PARD3B: variants seen among roughly 807,000 people sequenced by gnomAD.
PARD3B encodes partitioning defective 3 homolog B.
In PARD3B, 103 loss-of-function variants were observed where a neutral mutation model predicts 130.2. The observed-to-expected ratio is 0.79, with a 90% CI of 0.67 to 0.93. PARD3B has a LOEUF of 0.93. PARD3B is among the 40% of genes least tolerant of loss of function. PARD3B has a pLI of 0.00. For missense variants in PARD3B, 1,609 were observed against 1,499.2 expected, an observed-to-expected ratio of 1.07 and a Z score of -1.21; for synonymous variants, 583 against 553.2, an observed-to-expected ratio of 1.05 and a Z score of -0.76.
intron 2 of PARD3B, among the ~76,000 whole-genome samples, chr2:204,838,136 G>GTCAACAAAGAGCTATGAAACCAGTA (rs1559186403): frequency 6.6e-6 from 1 of 152,092 alleles, no homozygotes. Flanking sequence ...TGAGCAAGAG[G>GTCAACAAAGAGCTATGAAACCAGTA]AGGCTTTTCA....
rs2048778965 is a variant in PARD3B, at chr2:205,470,239, C to G, written c.3044+29567C>G. On this transcript the variant is annotated intron_variant, in intron 20 of 22. Coordinates refer to ENST00000406610, the MANE Select transcript of PARD3B (RefSeq NM_001302769.2). This position sits in a 1 kb window ranked among gnomAD's most constrained non-coding sequence, Gnocchi z 4.8. ...CTTTTCTCTGGCACTGTTACCATGTCAAAGCATCCCCTCCCAGCAGTGCCC... is the reference window on the plus strand; with the variant it reads ...CTTTTCTCTGGCACTGTTACCATGTGAAAGCATCCCCTCCCAGCAGTGCCC... 6.6e-6 allele frequency among the ~76,000 whole-genome samples: 1 copy of G among 152,190 alleles called. No homozygotes were observed. The highest frequency in any genetic ancestry group is 1.5e-5 in the Non-Finnish European group (1 of 68,024).
intron 16 of PARD3B, among the ~76,000 whole-genome samples, chr2:205,278,213 G>T (rs1428690550): frequency 6.6e-6 from 1 of 152,158 alleles, no homozygotes; most frequent in Non-Finnish European, 1.5e-5. Flanking sequence ...ATGGCAGGGG[G>T]TACAGAGAGC....
rs555695648 is a variant in PARD3B, at chr2:205,013,100, TTTCCTC to T, written c.395-34479_395-34474del. Among the ~76,000 whole-genome samples the T allele has an allele frequency of 4.8e-3, 728 of 152,348 alleles. 2 individuals carry two copies. Among genetic ancestry groups the T allele is most frequent in the Non-Finnish European group, 6.7e-3 (453 of 68,040 alleles). ...GTCCCTACCCATGCAAGCTAGAATC[TTTCCTC>T]TCCCTTCTTGATTTCAACATGAGTT... On this transcript the variant is annotated intron_variant, in intron 3 of 22. Coordinates refer to ENST00000406610, the MANE Select transcript of PARD3B (RefSeq NM_001302769.2).
intron 2 of PARD3B, among the ~76,000 whole-genome samples, chr2:204,913,555 T>C (rs558378705): frequency 6.6e-6 from 1 of 152,318 alleles, no homozygotes; most frequent in South Asian, 2.1e-4. Flanking sequence ...TTCTGTCTCA[T>C]GGTAGTTTGG....
At chr2:205,227,739 TGTTTTGTG>T (rs2038634593) in intron 15 of PARD3B, among the ~76,000 whole-genome samples, 1 of 152,138 alleles carries the variant, frequency 6.6e-6, no homozygotes, top group Non-Finnish European at 1.5e-5. Flanking sequence ...GTTTTCTGGT[TGTTTTGTG>T]GTCTTCTCAT....
At chr2:204,926,803 T>G (rs1687656996) in intron 2 of PARD3B, among the ~76,000 whole-genome samples, 2 of 152,110 alleles carry the variant, frequency 1.3e-5, no homozygotes. Context: ...CAAGCCAGTT[T>G]TGAAATTATA....
rs765793665 is a variant in PARD3B, at chr2:204,664,013, A to G, written c.121-22168A>G. Among the ~76,000 whole-genome samples the G allele has an allele frequency of 8.5e-5, 13 of 152,178 alleles. No homozygotes were observed. The highest frequency in any genetic ancestry group is 1.6e-4 in the Non-Finnish European group (11 of 68,028). ...CAAAAACTCTTTTCAGTATCCAAACATGACAGTAAACTCATATTGTTCAAA... is the reference window on the plus strand; with the variant it reads ...CAAAAACTCTTTTCAGTATCCAAACGTGACAGTAAACTCATATTGTTCAAA... On this transcript the variant is annotated intron_variant, in intron 1 of 22. Coordinates refer to ENST00000406610, the MANE Select transcript of PARD3B (RefSeq NM_001302769.2). This position sits in a 1 kb window ranked among gnomAD's most constrained non-coding sequence, Gnocchi z 5.2.
rs2031718633 is a variant in PARD3B, at chr2:205,128,888, A to T, written c.1434+3151A>T. 6.6e-6 allele frequency among the ~76,000 whole-genome samples: 1 copy of T among 152,184 alleles called. No homozygotes were observed. Among genetic ancestry groups the T allele is most frequent in the Non-Finnish European group, 1.5e-5 (1 of 68,032 alleles). On this transcript the variant is annotated intron_variant, in intron 10 of 22. Coordinates refer to ENST00000406610, the MANE Select transcript of PARD3B (RefSeq NM_001302769.2). The surrounding 1 kb of genome is among the most constrained non-coding windows in gnomAD (Gnocchi z 4.5). ...AACATTTTTATAACCAGTCAAATTG[A>T]TAAGGGAGGCAGCTGTATGTGTTAT...
intron 2 of PARD3B, among the ~76,000 whole-genome samples, chr2:204,913,475 C>G (rs942142054): frequency 6.6e-6 from 1 of 152,102 alleles, no homozygotes; most frequent in Non-Finnish European, 1.5e-5. Context: ...GCTGTAGTAC[C>G]GCTAGCACTA....
chr2:205,390,506 G>T (rs917656243), intron 18 of PARD3B, among the ~76,000 whole-genome samples: 3 of 152,134 alleles, frequency 2.0e-5, no homozygotes, highest in South Asian at 2.1e-4. Context: ...CTAGAGAAAA[G>T]ATGCGAATTT....
chr2:205,422,336 G>A (rs2046998798), intron 19 of PARD3B, among the ~76,000 whole-genome samples: 1 of 152,264 alleles, frequency 6.6e-6, no homozygotes, highest in East Asian at 1.9e-4. Flanking sequence ...ATCATCGTAG[G>A]GAGCTTAGAT....
chr2:205,196,425 T>C (rs1186009800), intron 15 of PARD3B, among the ~76,000 whole-genome samples: 1 of 152,188 alleles, frequency 6.6e-6, no homozygotes, highest in Non-Finnish European at 1.5e-5. Context: ...TTGTCCTCTT[T>C]CATTTATAAA....
intron 2 of PARD3B, among the ~76,000 whole-genome samples, chr2:204,747,380 T>A (rs1488866941): frequency 6.6e-6 from 1 of 152,148 alleles, no homozygotes; most frequent in African/African-American, 2.4e-5. Context: ...ACAAGGGATG[T>A]GAAGGACCTC....
At chr2:204,670,171 C>A (rs564130235) in intron 1 of PARD3B, among the ~76,000 whole-genome samples, 5 of 152,262 alleles carry the variant, frequency 3.3e-5, no homozygotes, top group Admixed American at 3.3e-4. Flanking sequence ...AATGCTTACA[C>A]ATGGTTTAAA....
chr2:205,119,091 A>T, intron 7 of PARD3B, 45 bp downstream of exon 7: 1 of 1,569,326 alleles, frequency 6.4e-7, no homozygotes, highest in South Asian at 1.2e-5. Flanking sequence ...GATCCCTAGC[A>T]TGGTTATAAG....
chr2:205,125,643 A>G lies in PARD3B; in HGVS notation c.1340A>G (p.Glu447Gly). Residue 447 changes from glutamate (E) to glycine (G), a missense_variant, in exon 10 of 23, where the codon GAA (glutamate) becomes GGA (glycine). Coordinates refer to ENST00000406610, the MANE Select transcript of PARD3B (RefSeq NM_001302769.2). This position sits in a 1 kb window ranked among gnomAD's most constrained non-coding sequence, Gnocchi z 4.0. ...AGAGATGTCACCGGACGAACCCAGG[A>G]AGAGCTTGTGGCCATGCTCAGGAGC... ...NGRDVTGRTQ[E>G]ELVAMLRSTK... 6.2e-7 allele frequency: 1 copy of G among 1,614,084 alleles called. No homozygotes were observed. The highest frequency in any genetic ancestry group is 2.2e-5 in the East Asian group (1 of 44,850).
At chr2:205,255,051 C>T (rs1486578689) in intron 16 of PARD3B, among the ~76,000 whole-genome samples, 3 of 152,156 alleles carry the variant, frequency 2.0e-5, no homozygotes, top group African/African-American at 7.2e-5. Context: ...GCCACCATCA[C>T]CCTCCATCTA....
In PARD3B at chr2:204,628,907, GA is replaced by G. The variant is rs1349806965; in HGVS notation, c.121-57271del. The stretch of plus-strand genomic sequence containing the variant: ...TGTTTCTTTAGTTTAATAGGATGAA[GA>G]AAGCAAACATTCTATAGAGTATGGC... On this transcript the variant is annotated intron_variant, in intron 1 of 22. Coordinates refer to ENST00000406610, the MANE Select transcript of PARD3B (RefSeq NM_001302769.2). Among the ~76,000 whole-genome samples the G allele has an allele frequency of 4.6e-5, 7 of 152,246 alleles. 1 individual carries two copies. The highest frequency in any genetic ancestry group is 8.8e-5 in the Non-Finnish European group (6 of 67,988).
intron 18 of PARD3B, among the ~76,000 whole-genome samples, chr2:205,376,689 G>T (rs1388758088): frequency 1.3e-5 from 2 of 152,156 alleles, no homozygotes; most frequent in Admixed American, 1.3e-4. Flanking sequence ...CGGAATCACT[G>T]CCATGGGAGA....
Sources: gnomAD v4.1 joint callset for allele counts (sites outside exome capture counted in the v4.1 genomes callset) on GRCh38, gnomAD v4.1.1 for gene constraint, Gnocchi (gnomAD v3.1) non-coding constraint, MANE v1.5 for transcripts, NCBI Gene and HGNC (gene_info 2026-07-23, HGNC 2026-07-21) for gene names.